Variants in MCTP1 observed in about 807,000 individuals in gnomAD.
MCTP1 encodes the protein multiple C2 and transmembrane domain-containing protein 1.
Under a neutral mutation model 120.6 loss-of-function variants are expected in MCTP1, and 69 were observed. The ratio of observed to expected loss-of-function variants is 0.57; its 90% CI spans 0.47 to 0.70. The LOEUF is 0.70. MCTP1 is among the 30% of genes least tolerant of loss of function. The pLI is 0.00. For synonymous variants in MCTP1, 529 were observed against 493.1 expected (o/e 1.07, Z -0.96); for missense variants, 1,203 against 1,248.8 (o/e 0.96, Z 0.55).
chr5:94,860,836 T>C (rs762599767), intron 17 of MCTP1, among the ~76,000 whole-genome samples: 2 of 150,588 alleles, frequency 1.3e-5, no homozygotes, highest in Non-Finnish European at 1.5e-5. Flanking sequence ...TAGTATTTAA[T>C]TTCTCTCAAG....
Position 94,753,745 on chromosome 5 carries a change from G to A in MCTP1, c.2610+25365C>T, listed in dbSNP as rs185779983. On this transcript the variant is annotated intron_variant, in intron 19 of 22. Transcript: ENST00000515393. ...TTGAAACTACCTTTTTAAAATGGGA[G>A]GACCAATGAACATGCATATGCAGAA... Among the ~76,000 whole-genome samples, 173 of 152,262 alleles carry A rather than the reference G, an allele frequency of 1.1e-3. 1 individual carries two copies. The highest frequency in any genetic ancestry group is 4.0e-3 in the African/African-American group (167 of 41,530).
chr5:94,816,006 G>A (rs1011359959), intron 17 of MCTP1, among the ~76,000 whole-genome samples: 1 of 152,082 alleles, frequency 6.6e-6, no homozygotes, highest in African/African-American at 2.4e-5. Context: ...CAGATGGGGA[G>A]GAAAAGCCTA....
At chr5:95,042,201 G>A (rs200643897) in intron 1 of MCTP1, among the ~76,000 whole-genome samples, 1 of 151,846 alleles carries the variant, frequency 6.6e-6, no homozygotes. Context: ...TGCCGGTAAG[G>A]AAGTATTTAT....
intron 1 of MCTP1, among the ~76,000 whole-genome samples, chr5:95,140,707 A>T: frequency 7.9e-6 from 1 of 126,972 alleles, no homozygotes; most frequent in Non-Finnish European, 1.6e-5. Context: ...AAAAAAAAAA[A>T]AAAAAAAAAA....
At chr5:94,991,990 T>G (rs1218949420) in intron 2 of MCTP1, among the ~76,000 whole-genome samples, 1 of 152,246 alleles carries the variant, frequency 6.6e-6, no homozygotes, top group African/African-American at 2.4e-5. Flanking sequence ...AAAATCCTAC[T>G]ATTTTTCCCA....
intron 5 of MCTP1, among the ~76,000 whole-genome samples, chr5:94,936,403 G>T (rs1185573823): frequency 6.6e-6 from 1 of 152,018 alleles, no homozygotes. Context: ...AGAAAGCCTG[G>T]ACTTGAGAGA....
At chr5:94,866,753 T>C (rs773286430) in intron 17 of MCTP1, among the ~76,000 whole-genome samples, 4 of 151,788 alleles carry the variant, frequency 2.6e-5, no homozygotes, top group Non-Finnish European at 5.9e-5. Context: ...TGAGTTTTTT[T>C]TTTTTAGAAT....
At chr5:94,708,210 G>C in intron 22 of MCTP1, 1 of 41,926 alleles carries the variant, frequency 2.4e-5, no homozygotes, top group Admixed American at 5.9e-4. Context: ...AATATTCCTG[G>C]TTTCCTCCCC....
intron 18 of MCTP1, among the ~76,000 whole-genome samples, chr5:94,790,710 G>C (rs1372736188): frequency 6.6e-6 from 1 of 152,156 alleles, no homozygotes; most frequent in Non-Finnish European, 1.5e-5. Context: ...CCTCTTAAGA[G>C]TATGAGTTGG....
At chr5:95,003,031 T>A (rs1274507551) in intron 2 of MCTP1, among the ~76,000 whole-genome samples, 1 of 152,106 alleles carries the variant, frequency 6.6e-6, no homozygotes, top group Admixed American at 6.5e-5. Context: ...CATCTGATGG[T>A]TTTATAAGCA....
intron 1 of MCTP1, among the ~76,000 whole-genome samples, chr5:95,222,274 C>T (rs758572702): frequency 2.6e-5 from 4 of 152,180 alleles, no homozygotes; most frequent in South Asian, 2.1e-4. Flanking sequence ...CTATGCCTAG[C>T]TGCAAGCCAA....
intron 17 of MCTP1, among the ~76,000 whole-genome samples, chr5:94,863,095 G>A (rs1796125322): frequency 1.3e-5 from 2 of 151,820 alleles, no homozygotes; most frequent in Admixed American, 1.3e-4. Context: ...TGTTTAGTAA[G>A]CTTAGTAGGT....
intron 12 of MCTP1, among the ~76,000 whole-genome samples, chr5:94,882,710 A>G (rs1409518948): frequency 6.6e-6 from 1 of 152,082 alleles, no homozygotes; most frequent in African/African-American, 2.4e-5. Flanking sequence ...TAATTATTTT[A>G]TAGTATTTCT....
chr5:94,936,962 T>C lies in MCTP1; in HGVS notation c.1173+3122A>G, dbSNP rs192507811. Among the ~76,000 whole-genome samples, 764 of 152,138 alleles carry C rather than the reference T, an allele frequency of 5.0e-3. 4 individuals are homozygous for C. Among genetic ancestry groups the C allele is most frequent in the Non-Finnish European group, 8.3e-3 (564 of 67,970 alleles). ...ACCAAGCCCATGCCTCAGCTATTGA[T>C]TGTACCCACGAGGATGAGCCAAGAT... On this transcript the variant is annotated intron_variant, in intron 5 of 22. Coordinates refer to ENST00000515393, the MANE Select transcript of MCTP1 (RefSeq NM_024717.7).
chr5:95,282,578 A>G (rs1370395560), intron 1 of MCTP1, among the ~76,000 whole-genome samples: 1 of 152,210 alleles, frequency 6.6e-6, no homozygotes, highest in Non-Finnish European at 1.5e-5. Flanking sequence ...AACCAAAAAC[A>G]GGGGCTCTAT....
At position 94,942,373 on chromosome 5, in the gene MCTP1, C is replaced by A. The variant is rs937844723; in HGVS notation, c.1036G>T (p.Asp346Tyr). ...QDDFMGSAFLDLTQLELNRPT... is the reference protein window; with the variant it reads ...QDDFMGSAFLYLTQLELNRPT... ...CTGTTTAACTCCAATTGTGTCAGAT[C>A]CAGAAAGGCTGAGCCCATAAAGTCA... The change falls in exon 4 of 23, where the codon GAT becomes TAT. Residue 346 changes from aspartate to tyrosine, a missense_variant. Asp to Tyr is a radical substitution (Grantham distance 160). This residue lies in a region of MCTP1 where 740 missense variants were observed against 871.1 expected (regional missense o/e 0.85). Transcript: ENST00000515393. 1 of 1,611,164 alleles carries A rather than the reference C, an allele frequency of 6.2e-7. No homozygotes were observed. Among genetic ancestry groups the A allele is most frequent in the African/African-American group, 1.3e-5 (1 of 74,732 alleles).
intron 17 of MCTP1, among the ~76,000 whole-genome samples, chr5:94,856,915 C>A (rs1186685927): frequency 6.6e-6 from 1 of 151,518 alleles, no homozygotes; most frequent in Admixed American, 6.6e-5. Context: ...ATAACTAGTC[C>A]CTTAAAAGCA....
rs188050312 is a variant in MCTP1, at chr5:95,241,993, C to T, written c.720+41863G>A. Reference sequence around the variant, plus strand: ...TAAAATGAGTATAAAGTTTAATGAACGTCAACACCTTTATGAATCAAAACG... The same window carrying T: ...TAAAATGAGTATAAAGTTTAATGAATGTCAACACCTTTATGAATCAAAACG... On this transcript the variant is annotated intron_variant, in intron 1 of 22. Transcript: ENST00000515393. Among the ~76,000 whole-genome samples the T allele has an allele frequency of 2.6e-5, 4 of 152,206 alleles. No individual in the cohort carries two copies. In the East Asian group the frequency reaches 7.7e-4, roughly 29 times the overall value.
At chr5:94,945,190 T>C (rs1326826251) in intron 3 of MCTP1, among the ~76,000 whole-genome samples, 1 of 152,126 alleles carries the variant, frequency 6.6e-6, no homozygotes. Flanking sequence ...ATGAGATCCT[T>C]GCTTTCATGG....
Sources: gnomAD v4.1 joint callset for allele counts (sites outside exome capture counted in the v4.1 genomes callset) on GRCh38, gnomAD v4.1.1 for gene constraint, gnomAD v4.1.1 regional missense constraint, MANE v1.5 for transcripts, NCBI Gene and HGNC (gene_info 2026-07-23, HGNC 2026-07-21) for gene names.